The following CACNA1C variants were observed in gnomAD, a reference collection of about 807,000 sequenced individuals.
CACNA1C encodes the protein calcium voltage-gated channel subunit alpha1 C, also known as voltage-dependent L-type calcium channel subunit alpha-1C.
CACNA1C carries 30 observed loss-of-function variants against 229.0 expected under a neutral mutation model. That is an observed-to-expected ratio of 0.13 (90% CI 0.10 to 0.18). The LOEUF (loss-of-function observed/expected upper bound fraction) is 0.18, where lower values mean the gene tolerates loss of function less well. CACNA1C is among the 10% of genes least tolerant of loss of function. The pLI, the probability that CACNA1C is intolerant of heterozygous loss-of-function variation, is 1.00. For missense variants in CACNA1C, 1,658 were observed against 2,845.0 expected (o/e 0.58, Z 9.49); for synonymous variants, 1,114 against 1,132.5 (o/e 0.98, Z 0.33).
At chr12:2,073,077 G>T (rs2061942006) in intron 1 of CACNA1C, among the ~76,000 whole-genome samples, 1 of 152,178 alleles carries the variant, frequency 6.6e-6, no homozygotes. Flanking sequence ...ACGGACCATT[G>T]TTAAACCACA....
At chr12:2,363,936 C>G (rs1466141569) in intron 3 of CACNA1C, among the ~76,000 whole-genome samples, 2 of 152,322 alleles carry the variant, frequency 1.3e-5, no homozygotes, top group East Asian at 3.9e-4. Context: ...AACTTACTGG[C>G]CGGCCTGCAG....
At chr12:1,993,215 T>C in intron 1 of CACNA1C, 3 of 1,613,652 alleles carry the variant, frequency 1.9e-6, no homozygotes, top group Middle Eastern at 1.7e-4. Flanking sequence ...TTTAAACACT[T>C]GGCCAAACTT....
At chr12:2,526,423 T>G (rs2099818626) in intron 9 of CACNA1C, among the ~76,000 whole-genome samples, 1 of 152,256 alleles carries the variant, frequency 6.6e-6, no homozygotes, top group African/African-American at 2.4e-5. Context: ...GTTTCAACAC[T>G]GTCTCTGGAA....
chr12:2,615,600 A>AT (rs2080072127), intron 29 of CACNA1C, among the ~76,000 whole-genome samples: 1 of 152,058 alleles, frequency 6.6e-6, no homozygotes, highest in African/African-American at 2.4e-5. Context: ...AGGGAGCCAC[A>AT]CGTAAATCCT....
chr12:2,111,310 C>T (rs1467641158), intron 1 of CACNA1C, among the ~76,000 whole-genome samples: 1 of 152,184 alleles, frequency 6.6e-6, no homozygotes, highest in Admixed American at 6.5e-5. Flanking sequence ...TTCAGAGCTG[C>T]CCCAGGGCTC....
chr12:2,265,297 G>A (rs11608869), intron 3 of CACNA1C, among the ~76,000 whole-genome samples: 7,195 of 152,264 alleles, frequency 0.047, 208 homozygotes, highest in Middle Eastern at 0.071. Flanking sequence ...GTGAATTACA[G>A]AGCTGGAAAC....
intron 18 of CACNA1C, among the ~76,000 whole-genome samples, chr12:2,589,943 G>A (rs535285869): frequency 3.3e-5 from 5 of 152,272 alleles, no homozygotes; most frequent in East Asian, 1.9e-4. Flanking sequence ...TTGAGCCAGC[G>A]AAGAGAAAAT....
chr12:2,339,864 A>G (rs1023151782), intron 3 of CACNA1C, among the ~76,000 whole-genome samples: 23 of 152,364 alleles, frequency 1.5e-4, no homozygotes, highest in African/African-American at 5.5e-4. Flanking sequence ...AGAGCAAAGA[A>G]GTTCATTCAA....
Position 2,637,735 on chromosome 12 carries a change from G to A in CACNA1C, c.3912+3355G>A, listed in dbSNP as rs375298661. ...ATCCTGCATCCCTGGGCCCTGCTCCGGGCCTTCCCAGGTATTTTTAGTCAT... is the reference window on the plus strand; with the variant it reads ...ATCCTGCATCCCTGGGCCCTGCTCCAGGCCTTCCCAGGTATTTTTAGTCAT... On this transcript the variant is annotated intron_variant, in intron 30 of 46. Coordinates refer to ENST00000399655, the MANE Select transcript of CACNA1C (RefSeq NM_000719.7). Among the ~76,000 whole-genome samples, 17 of 152,334 alleles carry A rather than the reference G, an allele frequency of 1.1e-4. No homozygotes were observed. In the South Asian group the frequency reaches 1.9e-3, roughly 17 times the overall value.
intron 3 of CACNA1C, among the ~76,000 whole-genome samples, chr12:2,217,265 C>T (rs1195356728): frequency 4.6e-5 from 7 of 152,016 alleles, no homozygotes; most frequent in South Asian, 2.1e-4. Flanking sequence ...GGGGGAAGTG[C>T]GGAGCTGTTG....
At chr12:2,426,067 A>C (rs1404442502) in intron 3 of CACNA1C, among the ~76,000 whole-genome samples, 1 of 152,172 alleles carries the variant, frequency 6.6e-6, no homozygotes, top group African/African-American at 2.4e-5. Context: ...AGAATGAGAG[A>C]GTAGGATACA....
At chr12:2,461,463 A>G (rs550158838) in intron 5 of CACNA1C, among the ~76,000 whole-genome samples, 1 of 152,140 alleles carries the variant, frequency 6.6e-6, no homozygotes, top group Non-Finnish European at 1.5e-5. Flanking sequence ...CTCACTCCCT[A>G]GTTATCACGT....
In CACNA1C at chr12:2,449,119, A is replaced by C. The variant is rs530130732; in HGVS notation, c.617+4A>C. 1.9e-5 allele frequency: 29 copies of C among 1,535,948 alleles called. No homozygotes were observed. The East Asian group carries it at 3.1e-4, about 17-fold the overall frequency. On this transcript the variant is annotated splice_donor_region_variant and intron_variant, in intron 4 of 46. Coordinates refer to ENST00000399655, the MANE Select transcript of CACNA1C (RefSeq NM_000719.7). ...ATTTTATAATTGTGGTTGTGGGGTA[A>C]GTATCACTGTCTGTTTCTTTCCCTT...
intron 3 of CACNA1C, among the ~76,000 whole-genome samples, chr12:2,248,566 G>A (rs2074284269): frequency 6.6e-6 from 1 of 152,256 alleles, no homozygotes; most frequent in African/African-American, 2.4e-5. Context: ...GAGAGGCGAT[G>A]GCTGCAACTG....
chr12:2,218,983 A>C (rs948916115), intron 3 of CACNA1C, among the ~76,000 whole-genome samples: 2 of 152,180 alleles, frequency 1.3e-5, no homozygotes, highest in Non-Finnish European at 2.9e-5. Flanking sequence ...GGAAACTGTC[A>C]GTTTGTAAAT....
intron 3 of CACNA1C, among the ~76,000 whole-genome samples, chr12:2,416,805 A>G (rs1252383171): frequency 6.6e-6 from 1 of 152,228 alleles, no homozygotes; most frequent in Admixed American, 6.5e-5. Context: ...CAACCCTCTG[A>G]AAAGGACCCT....
chr12:2,599,368 A>C (rs1340043754), intron 21 of CACNA1C, among the ~76,000 whole-genome samples: 1 of 152,180 alleles, frequency 6.6e-6, no homozygotes, highest in Non-Finnish European at 1.5e-5. Flanking sequence ...GACATTTAGC[A>C]CAAGGAACAG....
At position 2,653,388 on chromosome 12, in the gene CACNA1C, A is replaced by G. The variant is rs1220603335; in HGVS notation, c.4075-447A>G. ...TTCCTTATTAAATGTTTCCATTGCA[A>G]TAGTAATACCCGCTCACTACAACTA... is the stretch of plus-strand genomic sequence containing the variant. On this transcript the variant is annotated intron_variant, in intron 32 of 46. Transcript: ENST00000399655. The surrounding 1 kb of genome is among the most constrained non-coding windows in gnomAD (Gnocchi z 4.7). Among the ~76,000 whole-genome samples the G allele has an allele frequency of 2.0e-5, 3 of 152,144 alleles. No individual in the cohort carries two copies. Among genetic ancestry groups the G allele is most frequent in the African/African-American group, 7.2e-5 (3 of 41,418 alleles).
chr12:1,973,748 G>A (rs961562485), intron 1 of CACNA1C, among the ~76,000 whole-genome samples: 3 of 152,158 alleles, frequency 2.0e-5, no homozygotes, highest in Non-Finnish European at 4.4e-5. Context: ...TTAGGAAGCA[G>A]AAAAGTCCAT....
Sources: gnomAD v4.1 joint callset for allele counts (sites outside exome capture counted in the v4.1 genomes callset) on GRCh38, gnomAD v4.1.1 for gene constraint, Gnocchi (gnomAD v3.1) non-coding constraint, MANE v1.5 for transcripts, NCBI Gene and HGNC (gene_info 2026-07-23, HGNC 2026-07-21) for gene names.